Variants in SHROOM4 observed in about 807,000 individuals in gnomAD.
The protein encoded by SHROOM4 is shroom family member 4.
Under a neutral mutation model 80.3 loss-of-function variants are expected in SHROOM4, and 17 were observed. That is an observed-to-expected ratio of 0.21 (90% confidence interval 0.14 to 0.32). The LOEUF (loss-of-function observed/expected upper bound fraction) is 0.32. SHROOM4 is among the 10% of genes least tolerant of loss of function. The probability of loss-of-function intolerance (pLI) is 1.00; values close to 1 mark genes in which losing one functional copy is unlikely to be tolerated. For missense variants in SHROOM4, 993 were observed against 1,140.3 expected (o/e 0.87, Z 1.86); for synonymous variants, 400 against 437.5 (o/e 0.91, Z 1.07).
chrX:50,618,280 C>T (rs868982371), intron 5 of SHROOM4, among the ~76,000 whole-genome samples: 156 of 248 alleles, frequency 0.63, 3 homozygotes, highest in East Asian at 0.83. Flanking sequence ...TTCTCTTCCC[C>T]TTCCTTCCTT....
intron 5 of SHROOM4, among the ~76,000 whole-genome samples, chrX:50,608,671 T>C (rs1209834364): frequency 1.8e-5 from 2 of 112,326 alleles, no homozygotes; most frequent in Non-Finnish European, 3.8e-5. Context: ...GTTGTTTTTG[T>C]TTGTTTTTCA....
intron 1 of SHROOM4, among the ~76,000 whole-genome samples, chrX:50,802,138 A>G (rs1254518892): frequency 8.9e-6 from 1 of 111,966 alleles, no homozygotes; most frequent in Non-Finnish European, 1.9e-5. Flanking sequence ...CATCCCACAG[A>G]TTGGAGGAGA....
At chrX:50,617,650 A>C in intron 5 of SHROOM4, among the ~76,000 whole-genome samples, 1 of 88,935 alleles carries the variant, frequency 1.1e-5, no homozygotes. Flanking sequence ...CCCGGTAATA[A>C]ACTCCAGAAA....
intron 5 of SHROOM4, among the ~76,000 whole-genome samples, chrX:50,613,305 G>C (rs1236479114): frequency 9.0e-6 from 1 of 111,159 alleles, no homozygotes; most frequent in Admixed American, 9.6e-5. Flanking sequence ...GTAGAGACAG[G>C]GTTTTGCCAT....
chrX:50,795,090 T>TATATATATGATATATATATCATATATGAG lies in SHROOM4; in HGVS notation c.117+18811_117+18812insCTCATATATGATATATATATCATATATAT, dbSNP rs1935951790. 3.5e-5 allele frequency among the ~76,000 whole-genome samples: 2 copies of TATATATATGATATATATATCATATATGAG among 56,538 alleles called. 1 individual carries two copies. Among genetic ancestry groups the TATATATATGATATATATATCATATATGAG allele is most frequent in the African/African-American group, 1.7e-4 (2 of 11,959 alleles). The allele number at this position is 56,538 out of a possible 115,157, so 49.1% of individuals were successfully genotyped here. A position where few individuals can be genotyped will look rare whatever the true frequency, so the allele number is the denominator to read the frequency against. ...ATATATATATGATATATATATATGATATATATATATGATATATATATATGA... is the reference window on the plus strand; with the variant it reads ...ATATATATATGATATATATATATGATATATATATGATATATATATCATATATGAGATATATATATGATATATATATATGA... On this transcript the variant is annotated intron_variant, in intron 1 of 8. Transcript: ENST00000376020.
intron 1 of SHROOM4, among the ~76,000 whole-genome samples, chrX:50,736,886 T>G (rs782757005): frequency 8.9e-6 from 1 of 112,059 alleles, no homozygotes; most frequent in African/African-American, 3.2e-5. Flanking sequence ...TAAATCTGTT[T>G]TAAAAAGAGG....
At chrX:50,715,195 T>C (rs1933919324) in intron 1 of SHROOM4, among the ~76,000 whole-genome samples, 1 of 110,994 alleles carries the variant, frequency 9.0e-6, no homozygotes, top group South Asian at 3.9e-4. Context: ...CTGTGAAGCC[T>C]GGTTAGGTTA....
At chrX:50,606,512 T>A (rs4826617) in intron 6 of SHROOM4, among the ~76,000 whole-genome samples, 4 of 108,422 alleles carry the variant, frequency 3.7e-5, no homozygotes, top group African/African-American at 1.4e-4. Context: ...GGAGAGCAGG[T>A]GGAGCTGCTG....
intron 1 of SHROOM4, among the ~76,000 whole-genome samples, chrX:50,738,950 C>A (rs1218128999): frequency 9.0e-6 from 1 of 111,684 alleles, no homozygotes; most frequent in Non-Finnish European, 1.9e-5. Flanking sequence ...GCTACAGTAA[C>A]CAAAACAGCG....
rs1928849510 is a variant in SHROOM4, at chrX:50,590,485, C to T, written c.*6210G>A. Among the ~76,000 whole-genome samples, 1 of 111,033 alleles carries T rather than the reference C, an allele frequency of 9.0e-6. No individual in the cohort carries two copies. The highest frequency in any genetic ancestry group is 3.3e-5 in the African/African-American group (1 of 30,506). ...CAGGATGGTTGCGATCTCCTGACCT[C>T]CTGATCCGCCCGCCACGGCCTCCCA... On this transcript the variant is annotated 3_prime_UTR_variant, in exon 9 of 9. Coordinates refer to ENST00000376020, the MANE Select transcript of SHROOM4 (RefSeq NM_020717.5).
intron 8 of SHROOM4, among the ~76,000 whole-genome samples, 175 bp from the exon 9 acceptor site, chrX:50,597,139 C>A (rs782221897): frequency 8.9e-6 from 1 of 112,708 alleles, no homozygotes; most frequent in South Asian, 3.7e-4. Context: ...GCCTTTGTTT[C>A]CTGTAGCAGG....
chrX:50,609,512 C>T (rs1040310800), intron 5 of SHROOM4, among the ~76,000 whole-genome samples: 6 of 110,211 alleles, frequency 5.4e-5, no homozygotes, highest in Admixed American at 1.9e-4. Context: ...AAGCAGACTA[C>T]CTATAAAAAC....
intron 2 of SHROOM4, among the ~76,000 whole-genome samples, chrX:50,692,644 T>C (rs1472574902): frequency 9.0e-6 from 1 of 111,489 alleles, no homozygotes; most frequent in Non-Finnish European, 1.9e-5. Flanking sequence ...GAAGCCTTAT[T>C]TAAGACCTAA....
chrX:50,621,109 T>C (rs1236306895), intron 5 of SHROOM4, among the ~76,000 whole-genome samples: 3 of 112,049 alleles, frequency 2.7e-5, no homozygotes, highest in Non-Finnish European at 5.6e-5. Flanking sequence ...ATTCTACTGG[T>C]CCACTTTCTA....
intron 2 of SHROOM4, among the ~76,000 whole-genome samples, 200 bp from the exon 3 acceptor site, chrX:50,638,508 T>G (rs1185980708): frequency 1.8e-5 from 2 of 112,532 alleles, no homozygotes; most frequent in African/African-American, 6.5e-5. Flanking sequence ...GTCAGCTTCA[T>G]AGGGCTGCTT....
At chrX:50,797,593 T>G (rs1936042553) in intron 1 of SHROOM4, among the ~76,000 whole-genome samples, 1 of 111,691 alleles carries the variant, frequency 9.0e-6, no homozygotes, top group South Asian at 3.8e-4. Flanking sequence ...TTCTCCGCCT[T>G]TTCATACTAA....
intron 1 of SHROOM4, among the ~76,000 whole-genome samples, chrX:50,759,140 A>G (rs1320333327): frequency 1.8e-5 from 2 of 112,081 alleles, no homozygotes; most frequent in African/African-American, 6.5e-5. Flanking sequence ...CAGAACATGA[A>G]TGAATTTGGA....
chrX:50,617,099 G>T (rs781825496), intron 5 of SHROOM4, among the ~76,000 whole-genome samples: 1 of 112,062 alleles, frequency 8.9e-6, no homozygotes, highest in South Asian at 3.8e-4. Context: ...AAAGCAGAAA[G>T]AACACAGTGT....
chrX:50,674,189 A>G (rs1557261091), intron 2 of SHROOM4, among the ~76,000 whole-genome samples: 1 of 111,536 alleles, frequency 9.0e-6, no homozygotes, highest in African/African-American at 3.2e-5. Flanking sequence ...TACATATTTA[A>G]TGCAGTTCCT....
Sources: gnomAD v4.1 joint callset for allele counts (sites outside exome capture counted in the v4.1 genomes callset) on GRCh38, gnomAD v4.1.1 for gene constraint, MANE v1.5 for transcripts, NCBI Gene and HGNC (gene_info 2026-07-23, HGNC 2026-07-21) for gene names.